The following ENPP5 variants were observed in gnomAD, a reference collection of about 807,000 sequenced individuals.
The protein encoded by ENPP5 is E-NPP 5.
ENPP5 carries 27 observed loss-of-function variants against 33.7 expected under a neutral mutation model. That is an observed-to-expected ratio of 0.80 (90% CI 0.59 to 1.11). The LOEUF (loss-of-function observed/expected upper bound fraction) is 1.11, where lower values mean the gene tolerates loss of function less well. Ranked by LOEUF, ENPP5 falls within the 50% of genes least tolerant of loss-of-function variation. The pLI, the probability that ENPP5 is intolerant of heterozygous loss-of-function variation, is 0.00. For missense variants in ENPP5, 552 were observed against 579.2 expected (o/e 0.95, Z 0.48); for synonymous variants, 199 against 200.5 (o/e 0.99, Z 0.06).
At position 46,170,947 on chromosome 6, in the gene ENPP5, C is replaced by A. The variant is rs1037591789; in HGVS notation, c.-237G>T. The A allele has an allele frequency of 6.6e-6, 1 of 152,348 alleles. No homozygotes were observed. Among genetic ancestry groups the A allele is most frequent in the African/African-American group, 2.4e-5 (1 of 41,466 alleles). The allele number at this position is 152,348 out of a possible 1,614,324, so 9.4% of individuals were successfully genotyped here. ...CCCGGAACGCGCAGGAGCTCACCTG[C>A]GCTCAACTCTGGAGCGGAGCACCTG... On this transcript the variant is annotated 5_prime_UTR_variant, in exon 1 of 5. Transcript: ENST00000371383.
rs140663760 is a variant in ENPP5 at position 46,161,939 on chromosome 6, A to G, written c.1007-186T>C. Among the ~76,000 whole-genome samples, 863 of 152,278 alleles carry G rather than the reference A, an allele frequency of 5.7e-3. 8 individuals are homozygous for G. Among genetic ancestry groups the G allele is most frequent in the African/African-American group, 0.02 (833 of 41,562 alleles). ...ATTCTCTTCAGGAATTGAAGAGTCA[A>G]ATGGTTGTGAATCTTTCTTACAGGC... On this transcript the variant is annotated intron_variant, in intron 4 of 4. Coordinates refer to ENST00000371383, the MANE Select transcript of ENPP5 (RefSeq NM_001290072.2).
At chr6:46,164,276 A>C (rs983505443) in intron 4 of ENPP5, among the ~76,000 whole-genome samples, 14 of 152,218 alleles carry the variant, frequency 9.2e-5, no homozygotes, top group Non-Finnish European at 1.6e-4. Flanking sequence ...CCCATCAAAA[A>C]GTGGGCGAAG....
At position 46,168,074 on chromosome 6, in the gene ENPP5, T is replaced by G. The variant is rs1220605414; in HGVS notation, c.189A>C (p.Gln63His). 1 of 1,613,920 alleles carries G rather than the reference T, an allele frequency of 6.2e-7. No homozygotes were observed. Among genetic ancestry groups the G allele is most frequent in the East Asian group, 2.2e-5 (1 of 44,894 alleles). ...TTTTTGTAATAAAAACATTAGTAAC[T>G]TGCTTCACGTGAACACCATATTTCA... ...YIMKYGVHVK[Q>H]VTNVFITKTY... Residue 63 changes from glutamine (Q) to histidine (H), a missense_variant, in exon 3 of 5, where the codon CAA becomes CAC. Gln to His is a conservative substitution (Grantham distance 24, BLOSUM62 0). Coordinates refer to ENST00000371383, the MANE Select transcript of ENPP5 (RefSeq NM_001290072.2).
rs1254937551 is a variant in ENPP5 at position 46,160,665 on chromosome 6, A to G, written c.*661T>C. The G allele has an allele frequency of 6.6e-6, 1 of 152,218 alleles. No individual in the cohort carries two copies. The highest frequency in any genetic ancestry group is 1.5e-5 in the Non-Finnish European group (1 of 68,046). 9.4% of individuals were successfully genotyped at this position (152,218 alleles called of 1,614,324 possible). A position where few individuals can be genotyped will look rare whatever the true frequency, so the allele number is the denominator to read the frequency against. ...TCAGTATTTGACTCTCTTTTGAGGGAAAAATAAATGAAAACCACGTTCTCT... is the reference window on the plus strand; with the variant it reads ...TCAGTATTTGACTCTCTTTTGAGGGGAAAATAAATGAAAACCACGTTCTCT... On this transcript the variant is annotated 3_prime_UTR_variant, in exon 5 of 5. Coordinates refer to ENST00000371383, the MANE Select transcript of ENPP5 (RefSeq NM_001290072.2).
rs1452688049 is a variant in ENPP5 at position 46,161,848 on chromosome 6, T to A, written c.1007-95A>T. 5.9e-6 allele frequency: 5 copies of A among 853,708 alleles called. No individual in the cohort carries two copies. The Admixed American group carries it at 1.0e-4, about 18-fold the overall frequency. 52.9% of individuals were successfully genotyped at this position (853,708 alleles called of 1,614,324 possible). A position where few individuals can be genotyped will look rare whatever the true frequency, so the allele number is the denominator to read the frequency against. ...AAATTCTGAACTTAAATGCACATCTTATCTAGTTTGACTGTAAACATAAAA... is the reference window on the plus strand; with the variant it reads ...AAATTCTGAACTTAAATGCACATCTAATCTAGTTTGACTGTAAACATAAAA... On this transcript the variant is annotated intron_variant, in intron 4 of 4. Transcript: ENST00000371383.
chr6:46,165,381 A>G lies in ENPP5; in HGVS notation c.1006+6T>C. ...AGAATGGAAAGAAATACTGTAACAT[A>G]CTCACACAGAAAGTCATCTGACTTA... is the stretch of plus-strand genomic sequence containing the variant. On this transcript the variant is annotated splice_donor_region_variant and intron_variant, in intron 4 of 4. Transcript: ENST00000371383. 6.4e-7 allele frequency: 1 copy of G among 1,555,564 alleles called. No homozygotes were observed. The highest frequency in any genetic ancestry group is 2.3e-5 in the East Asian group (1 of 43,698).
At chr6:46,165,132 G>A (rs1764504483) in intron 4 of ENPP5, 2 of 332,522 alleles carry the variant, frequency 6.0e-6, no homozygotes, top group Non-Finnish European at 1.1e-5. Flanking sequence ...TCAGGCATCT[G>A]CTTTTCTTTT....
Position 46,168,130 on chromosome 6 carries a change from T to A in ENPP5, c.133A>T (p.Lys45Ter), listed in dbSNP as rs772476966. The A allele has an allele frequency of 6.2e-7, 1 of 1,613,744 alleles. No homozygotes were observed. Among genetic ancestry groups the A allele is most frequent in the East Asian group, 2.2e-5 (1 of 44,864 alleles). The change falls in exon 3 of 5, where the codon AAA (lysine) becomes TAA (stop). Residue 45 changes from lysine (K) to a stop codon, truncating the protein, a stop_gained. Coordinates refer to ENST00000371383, the MANE Select transcript of ENPP5 (RefSeq NM_001290072.2). LOFTEE classifies it high-confidence loss of function. The stretch of plus-strand genomic sequence containing the variant: ...TAATGAAAATGGGGCGTTGGAACTT[T>A]ATATAAGTAATCCCAACGGAATCCA... Reference protein sequence around the residue: ...FDGFRWDYLYKVPTPHFHYIM... With the variant: ...FDGFRWDYLY
chr6:46,166,290 CTCTT>C (rs1213763829), intron 3 of ENPP5, among the ~76,000 whole-genome samples: 1 of 150,144 alleles, frequency 6.7e-6, no homozygotes, highest in African/African-American at 2.5e-5. Flanking sequence ...CCCTCAGTCT[CTCTT>C]TTTCTTTCTT....
chr6:46,161,835 TA>T (rs2127496504), intron 4 of ENPP5, 82 bp from the exon 5 acceptor site: 1 of 944,952 alleles, frequency 1.1e-6, no homozygotes, highest in East Asian at 2.4e-5. Context: ...ATTCTGAACT[TA>T]AATGCACATC....
chr6:46,163,440 C>T (rs1331543634), intron 4 of ENPP5, among the ~76,000 whole-genome samples: 1 of 142,672 alleles, frequency 7.0e-6, no homozygotes, highest in Non-Finnish European at 1.5e-5. Context: ...TTGTTCAATT[C>T]CCACCTATGA....
In ENPP5 at chr6:46,167,426, A is replaced by G. The variant is rs748347794; in HGVS notation, c.829+8T>C. The G allele has an allele frequency of 6.4e-7, 1 of 1,573,562 alleles. No homozygotes were observed. The highest frequency in any genetic ancestry group is 8.7e-7 in the Non-Finnish European group (1 of 1,146,376). The stretch of plus-strand genomic sequence containing the variant: ...GTCTCAGCTCACCATTCATTCAGTC[A>G]GCCTTACCTTCTTTTGGCAAGATGG... On this transcript the variant is annotated splice_region_variant and intron_variant, in intron 3 of 4. Coordinates refer to ENST00000371383, the MANE Select transcript of ENPP5 (RefSeq NM_001290072.2).
intron 4 of ENPP5, among the ~76,000 whole-genome samples, chr6:46,163,685 T>C (rs1297594036): frequency 6.6e-6 from 1 of 152,058 alleles, no homozygotes; most frequent in Non-Finnish European, 1.5e-5. Flanking sequence ...CCACATCCTC[T>C]CCAGCACCTG....
chr6:46,170,763 AG>A (rs1031528822), intron 1 of ENPP5, 44 bp downstream of exon 1: 2 of 152,182 alleles, frequency 1.3e-5, no homozygotes, highest in African/African-American at 4.8e-5. Flanking sequence ...CCAGAGGAGC[AG>A]TGTGGGTTCC....
At chr6:46,166,150 G>A (rs1407553486) in intron 3 of ENPP5, among the ~76,000 whole-genome samples, 1 of 151,856 alleles carries the variant, frequency 6.6e-6, no homozygotes, top group African/African-American at 2.4e-5. Context: ...TTTTATAAAG[G>A]AAATCGAAGG....
At chr6:46,169,672 G>GC (rs1440078735) in intron 2 of ENPP5, among the ~76,000 whole-genome samples, 1 of 152,166 alleles carries the variant, frequency 6.6e-6, no homozygotes, top group African/African-American at 2.4e-5. Context: ...GGGATTACAG[G>GC]CATGAGCCAC....
chr6:46,162,622 C>T (rs1197569972), intron 4 of ENPP5, among the ~76,000 whole-genome samples: 2 of 152,038 alleles, frequency 1.3e-5, no homozygotes, highest in African/African-American at 4.8e-5. Context: ...GGGAACTATG[C>T]AATAGGAACG....
rs1022340958 is a variant in ENPP5 at position 46,170,829 on chromosome 6, C to T, written c.-119G>A. 1 of 152,236 alleles carries T rather than the reference C, an allele frequency of 6.6e-6. No individual in the cohort carries two copies. Among genetic ancestry groups the T allele is most frequent in the African/African-American group, 2.4e-5 (1 of 41,440 alleles). The allele number at this position is 152,236 out of a possible 1,614,324, so 9.4% of individuals were successfully genotyped here. On this transcript the variant is annotated 5_prime_UTR_variant, in exon 1 of 5. Coordinates refer to ENST00000371383, the MANE Select transcript of ENPP5 (RefSeq NM_001290072.2). ...TCACCCTCGCAGCGATCCGTTCAGT[C>T]CGTATTAGTTTGGAGCAACGGGAGG...
Position 46,168,128 on chromosome 6 carries a change from T to TTA in ENPP5, c.134_135insTA (p.Lys45AsnfsTer12). On this transcript the variant is annotated frameshift_variant, in exon 3 of 5. Coordinates refer to ENST00000371383, the MANE Select transcript of ENPP5 (RefSeq NM_001290072.2). LOFTEE classifies it high-confidence loss of function. ...TATAATGAAAATGGGGCGTTGGAAC[T>TTA]TTATATAAGTAATCCCAACGGAATC... 2 of 1,613,802 alleles carry TTA rather than the reference T, an allele frequency of 1.2e-6. No individual in the cohort carries two copies. The highest frequency in any genetic ancestry group is 2.2e-5 in the South Asian group (2 of 91,072).
Sources: allele counts gnomAD v4.1 joint callset (sites outside exome capture counted in the v4.1 genomes callset), GRCh38; gene constraint gnomAD v4.1.1; transcripts MANE v1.5; gene names NCBI Gene and HGNC (gene_info 2026-07-23, HGNC 2026-07-21).